Variants in TMEM9 observed in about 807,000 individuals in gnomAD.
TMEM9 encodes proton-transporting V-type ATPase complex assembly regulator TMEM9.
Under a neutral mutation model 22.8 loss-of-function variants are expected in TMEM9, and 13 were observed. That is an observed-to-expected ratio of 0.57 (90% CI 0.37 to 0.91). The LOEUF (loss-of-function observed/expected upper bound fraction) is 0.91. Among genes scored for constraint, TMEM9 ranks in the 40% least tolerant of loss-of-function variants. The pLI is 0.01. For missense variants in TMEM9, 182 were observed against 238.1 expected, an observed-to-expected ratio of 0.76 and a Z score of 1.55; for synonymous variants, 88 against 93.0, an observed-to-expected ratio of 0.95 and a Z score of 0.31.
intron 2 of TMEM9, among the ~76,000 whole-genome samples, chr1:201,148,459 A>G (rs12072515): frequency 0.012 from 1,884 of 152,332 alleles, 38 homozygotes; most frequent in African/African-American, 0.043. Flanking sequence ...GGAGGTGTGC[A>G]GAGGTGAAGC....
In TMEM9 at chr1:201,135,370, C is replaced by T. The variant is rs1227715293; in HGVS notation, c.*293G>A. ...AAGAGTGGAGCCAGGAGAGACAGAT[C>T]GCATCCACTCCTGAGGCCGCCTCGA... On this transcript the variant is annotated 3_prime_UTR_variant, in exon 5 of 5. Coordinates refer to ENST00000367330, the MANE Select transcript of TMEM9 (RefSeq NM_001288565.2). 3 of 263,426 alleles carry T rather than the reference C, an allele frequency of 1.1e-5. No individual in the cohort carries two copies. The highest frequency in any genetic ancestry group is 1.1e-3 in the Middle Eastern group (1 of 896). The allele number at this position is 263,426 out of a possible 1,614,324, so 16.3% of individuals were successfully genotyped here. A position where few individuals can be genotyped will look rare whatever the true frequency, so the allele number is the denominator to read the frequency against.
Position 201,153,987 on chromosome 1 carries a change from A to G in TMEM9, c.-64T>C. ...GGAAAAAGAGATACGGAGTCGGAGA[A>G]GGGGAAGGTGGCCACACCGCAGCCA... On this transcript the variant is annotated 5_prime_UTR_variant, in exon 1 of 5. Coordinates refer to ENST00000367330, the MANE Select transcript of TMEM9 (RefSeq NM_001288565.2). 1 of 1,550,854 alleles carries G rather than the reference A, an allele frequency of 6.4e-7. No individual in the cohort carries two copies. The highest frequency in any genetic ancestry group is 8.7e-7 in the Non-Finnish European group (1 of 1,147,470).
At chr1:201,140,527 A>G (rs1664431387) in intron 4 of TMEM9, among the ~76,000 whole-genome samples, 1 of 152,138 alleles carries the variant, frequency 6.6e-6, no homozygotes, top group South Asian at 2.1e-4. Flanking sequence ...ATCTCCCTCC[A>G]TGAACGGGGC....
intron 1 of TMEM9, among the ~76,000 whole-genome samples, chr1:201,152,158 A>ATGGG (rs1665477005): frequency 9.7e-6 from 1 of 103,374 alleles, no homozygotes. Context: ...ATGAGGGGAA[A>ATGGG]TGGGTGTGTG....
chr1:201,144,033 T>C, intron 3 of TMEM9, 82 bp from the exon 4 acceptor site: 1 of 1,526,076 alleles, frequency 6.6e-7, no homozygotes, highest in Middle Eastern at 1.7e-4. Context: ...GCCATCTGTG[T>C]CCGGCTGGCA....
rs144662228 is a variant in TMEM9, at chr1:201,137,471, A to AACAC, written c.400-1660_400-1657dup. On this transcript the variant is annotated intron_variant, in intron 4 of 4. Transcript: ENST00000367330. ...AGGAATTATAGTTACCAAATTATCT[A>AACAC]ACACACACACACACACACACACACA... Among the ~76,000 whole-genome samples the AACAC allele has an allele frequency of 3.8e-3, 558 of 146,654 alleles. 3 individuals are homozygous for AACAC. Among genetic ancestry groups the AACAC allele is most frequent in the East Asian group, 0.015 (76 of 4,932 alleles).
At chr1:201,137,112 G>T (rs1664066875) in intron 4 of TMEM9, among the ~76,000 whole-genome samples, 1 of 152,252 alleles carries the variant, frequency 6.6e-6, no homozygotes, top group Admixed American at 6.5e-5. Context: ...TCCCGCCCAG[G>T]TCCTGAGGAA....
chr1:201,145,916 C>T (rs1039292226), intron 3 of TMEM9, among the ~76,000 whole-genome samples: 3 of 152,280 alleles, frequency 2.0e-5, no homozygotes, highest in South Asian at 2.1e-4. Context: ...GAGCTGTGAT[C>T]GTGCCACTGG....
intron 1 of TMEM9, among the ~76,000 whole-genome samples, chr1:201,171,221 G>C (rs1666203066): frequency 6.6e-6 from 1 of 152,210 alleles, no homozygotes; most frequent in African/African-American, 2.4e-5. Context: ...AATGGATCCT[G>C]GCTGGGAGGA....
chr1:201,157,092 G>C (rs1665817767), upstream of TMEM9, among the ~76,000 whole-genome samples: 1 of 152,158 alleles, frequency 6.6e-6, no homozygotes, highest in Non-Finnish European at 1.5e-5. Flanking sequence ...ATAGCTCTCT[G>C]CTACAGAGAG....
intron 4 of TMEM9, 63 bp downstream of exon 4, chr1:201,143,757 T>C: frequency 6.3e-7 from 1 of 1,584,460 alleles, no homozygotes; most frequent in Non-Finnish European, 8.6e-7. Flanking sequence ...GACGCTCCTC[T>C]GGGTTTTGCC....
intron 2 of TMEM9, among the ~76,000 whole-genome samples, chr1:201,150,515 A>G (rs58626409): frequency 0.13 from 19,680 of 152,216 alleles, 1,604 homozygotes; most frequent in East Asian, 0.39. Context: ...CTATTTATAG[A>G]TAAGGAAATC....
Position 201,146,762 on chromosome 1 carries a change from T to A in TMEM9, c.245A>T (p.Glu82Val). 1 of 1,614,228 alleles carries A rather than the reference T, an allele frequency of 6.2e-7. No individual in the cohort carries two copies. The highest frequency in any genetic ancestry group is 1.6e-4 in the Middle Eastern group (1 of 6,062). Residue 82 changes from glutamate to valine, a missense_variant, in exon 3 of 5, where the codon GAG becomes GTG. By Grantham distance (121) the Glu-to-Val change is moderately radical. Coordinates refer to ENST00000367330, the MANE Select transcript of TMEM9 (RefSeq NM_001288565.2). ...YCLLCECRYE[E>V]RSTTTIKVII... ...TACCTTGATGGTGGTGGTGCTGCGCTCCTCGTACCTGCACTCGCACAGCAG... is the reference window on the plus strand; with the variant it reads ...TACCTTGATGGTGGTGGTGCTGCGCACCTCGTACCTGCACTCGCACAGCAG...
chr1:201,168,627 G>A (rs1191322456), intron 1 of TMEM9, among the ~76,000 whole-genome samples: 2 of 152,166 alleles, frequency 1.3e-5, no homozygotes, highest in African/African-American at 4.8e-5. Flanking sequence ...GCTGAGGCAG[G>A]AGACTCGCTT....
At chr1:201,152,663 CAGAGTA>C (rs1342458658) in intron 1 of TMEM9, among the ~76,000 whole-genome samples, 1 of 152,192 alleles carries the variant, frequency 6.6e-6, no homozygotes, top group Non-Finnish European at 1.5e-5. Context: ...TCTCCCTAAG[CAGAGTA>C]ATAGATACAA....
upstream of TMEM9, among the ~76,000 whole-genome samples, chr1:201,157,885 C>T (rs747524086): frequency 1.3e-4 from 20 of 152,224 alleles, no homozygotes; most frequent in Admixed American, 7.8e-4. Flanking sequence ...AGAACAATGT[C>T]GCACCCCCAA....
chr1:201,171,285 G>A (rs779062430), intron 1 of TMEM9, among the ~76,000 whole-genome samples: 29 of 152,286 alleles, frequency 1.9e-4, no homozygotes, highest in Non-Finnish European at 3.4e-4. Context: ...GAAGGTCGTG[G>A]AAAGCCCGCT....
chr1:201,163,401 T>G (rs867471081), intron 1 of TMEM9, among the ~76,000 whole-genome samples: 4 of 151,906 alleles, frequency 2.6e-5, no homozygotes, highest in Admixed American at 6.6e-5. Flanking sequence ...ACCAGCCTGG[T>G]CAACATGGCA....
intron 4 of TMEM9, among the ~76,000 whole-genome samples, chr1:201,143,503 C>G (rs924130397): frequency 2.6e-5 from 4 of 152,196 alleles, no homozygotes; most frequent in African/African-American, 7.2e-5. Context: ...TCTGAGCACA[C>G]GGGGGATATC....
Sources: allele counts gnomAD v4.1 joint callset (sites outside exome capture counted in the v4.1 genomes callset), GRCh38; gene constraint gnomAD v4.1.1; transcripts MANE v1.5; gene names NCBI Gene and HGNC (gene_info 2026-07-23, HGNC 2026-07-21).